MBD2: variants seen among roughly 807,000 people sequenced by gnomAD.
The protein encoded by MBD2 is methyl-CpG binding domain protein 2.
In MBD2, 9 loss-of-function variants were observed where a neutral mutation model predicts 39.3. The ratio of observed to expected loss-of-function variants is 0.23; its 90% CI spans 0.14 to 0.40. The LOEUF (loss-of-function observed/expected upper bound fraction) is 0.40. Ranked by LOEUF, MBD2 falls within the 10% of genes least tolerant of loss-of-function variation. The probability of loss-of-function intolerance (pLI) is 1.00; values close to 1 mark genes in which losing one functional copy is unlikely to be tolerated. For synonymous variants in MBD2, 233 were observed against 211.1 expected, an observed-to-expected ratio of 1.10 and a Z score of -0.90; for missense variants, 458 against 532.6, an observed-to-expected ratio of 0.86 and a Z score of 1.38.
intron 3 of MBD2, among the ~76,000 whole-genome samples, chr18:54,169,652 C>T (rs1401413528): frequency 6.6e-6 from 1 of 152,206 alleles, no homozygotes; most frequent in South Asian, 2.1e-4. Flanking sequence ...GTCTCTTGCA[C>T]TACACTTCAT....
At position 54,224,035 on chromosome 18, in the gene MBD2, G is replaced by T. The variant is rs772369419; in HGVS notation, c.525C>A (p.Ser175Arg). 6.3e-7 allele frequency: 1 copy of T among 1,591,784 alleles called. No homozygotes were observed. Residue 175 changes from serine to arginine, a missense_variant, in exon 1 of 7, where the codon AGC (serine) becomes AGA (arginine). Around this residue, in one of 2 missense-constraint regions of MBD2, gnomAD observed 189 missense variants for 296.6 expected, o/e 0.64. Transcript: ENST00000256429. The stretch of plus-strand genomic sequence containing the variant: ...GGAGGTACCTGAAGTAGTAGACATC[G>T]CTCTTGCCAGCACTTAGCCCAGATT... ...IRKSGLSAGK[S>R]DVYYFSPSGK...
chr18:54,185,906 C>T (rs1407727201), intron 3 of MBD2, among the ~76,000 whole-genome samples: 5 of 152,020 alleles, frequency 3.3e-5, no homozygotes, highest in African/African-American at 1.2e-4. Flanking sequence ...TAATGCTTTT[C>T]TTTTCATACC....
At chr18:54,182,195 T>G (rs1016746280) in intron 3 of MBD2, among the ~76,000 whole-genome samples, 1 of 152,266 alleles carries the variant, frequency 6.6e-6, no homozygotes, top group Non-Finnish European at 1.5e-5. Flanking sequence ...CTAATTCAAC[T>G]AATTTACATA....
At chr18:54,183,374 A>T (rs1483393672) in intron 3 of MBD2, among the ~76,000 whole-genome samples, 1 of 152,228 alleles carries the variant, frequency 6.6e-6, no homozygotes, top group Non-Finnish European at 1.5e-5. Context: ...ACATACAAAA[A>T]AGAATGCATA....
rs1321311520 is a variant in MBD2, at chr18:54,156,680, C to T, written c.*13-1369G>A. On this transcript the variant is annotated intron_variant, in intron 6 of 6. Transcript: ENST00000256429. ...CCAACCTGCCCAACATGGCGAAAAC[C>T]GTCTCTAGAAAAAATACAAAAAATT... Among the ~76,000 whole-genome samples, 7 of 152,088 alleles carry T rather than the reference C, an allele frequency of 4.6e-5. No homozygotes were observed. In the South Asian group the frequency reaches 1.0e-3, roughly 23 times the overall value.
In MBD2 at chr18:54,197,907, G is replaced by A. The variant is rs564597818; in HGVS notation, c.702+7091C>T. 2.7e-4 allele frequency among the ~76,000 whole-genome samples: 41 copies of A among 152,220 alleles called. No individual in the cohort carries two copies. In the South Asian group the frequency reaches 7.5e-3, roughly 28 times the overall value. On this transcript the variant is annotated intron_variant, in intron 2 of 6. Coordinates refer to ENST00000256429, the MANE Select transcript of MBD2 (RefSeq NM_003927.5). ...TAGAAATGCTAGACTTATCACCTAC[G>A]ACCTATTCGTTCCCCTTCCCTGTCC...
intron 1 of MBD2, among the ~76,000 whole-genome samples, chr18:54,208,860 C>T (rs2086475313): frequency 6.6e-6 from 1 of 152,226 alleles, no homozygotes; most frequent in Admixed American, 6.5e-5. Flanking sequence ...TTTTAGATCT[C>T]TCCCCCAAAT....
At chr18:54,178,129 A>G (rs1599084671) in intron 3 of MBD2, among the ~76,000 whole-genome samples, 1 of 152,162 alleles carries the variant, frequency 6.6e-6, no homozygotes, top group Admixed American at 6.5e-5. Context: ...GGCATAAGCC[A>G]CCATGCCCAG....
rs909005027 is a variant in MBD2 at position 54,153,385 on chromosome 18, T to A, written c.*1939A>T. On this transcript the variant is annotated 3_prime_UTR_variant, in exon 7 of 7. Coordinates refer to ENST00000256429, the MANE Select transcript of MBD2 (RefSeq NM_003927.5). ...GGGTATATTGGGAACACCCTGGACT[T>A]ATGGGATGGTCCCCAAGGGACACCA... 6.6e-6 allele frequency: 1 copy of A among 152,104 alleles called. No homozygotes were observed. The highest frequency in any genetic ancestry group is 2.4e-5 in the African/African-American group (1 of 41,378). The allele number at this position is 152,104 out of a possible 1,614,324, so 9.4% of individuals were successfully genotyped here. A position where few individuals can be genotyped will look rare whatever the true frequency, so the allele number is the denominator to read the frequency against.
chr18:54,204,443 C>A (rs1317881325), intron 2 of MBD2, among the ~76,000 whole-genome samples: 1 of 152,184 alleles, frequency 6.6e-6, no homozygotes, highest in Non-Finnish European at 1.5e-5. Context: ...CAAACTGTAT[C>A]ATAATTCAAA....
At chr18:54,203,115 A>G (rs2144328692) in intron 2 of MBD2, 1 of 1,612,494 alleles carries the variant, frequency 6.2e-7, no homozygotes, top group Non-Finnish European at 8.5e-7. Context: ...AGAGCAGAAA[A>G]GTGCACACAA....
intron 1 of MBD2, among the ~76,000 whole-genome samples, chr18:54,208,915 G>C (rs1311322567): frequency 6.6e-6 from 1 of 152,160 alleles, no homozygotes; most frequent in Non-Finnish European, 1.5e-5. Context: ...CACGAAATGT[G>C]ATCACTTATG....
rs953994306 is a variant in MBD2 at position 54,151,930 on chromosome 18, C to G, written c.*3394G>C. ...CTTTTCCAACTGCATGACTCTTGTT[C>G]ATTCACAGATTCATTCAACAAATAT... On this transcript the variant is annotated 3_prime_UTR_variant, in exon 7 of 7. Transcript: ENST00000256429. 1 of 151,428 alleles carries G rather than the reference C, an allele frequency of 6.6e-6. No homozygotes were observed. The highest frequency in any genetic ancestry group is 1.5e-5 in the Non-Finnish European group (1 of 67,946). The allele number at this position is 151,428 out of a possible 1,614,324, so 9.4% of individuals were successfully genotyped here.
intron 3 of MBD2, among the ~76,000 whole-genome samples, chr18:54,169,623 C>G (rs565989964): frequency 3.9e-5 from 6 of 152,258 alleles, no homozygotes; most frequent in African/African-American, 1.4e-4. Context: ...AAGGACTCCC[C>G]CTCTATGATG....
intron 3 of MBD2, among the ~76,000 whole-genome samples, chr18:54,169,537 C>T (rs2086164177): frequency 2.6e-5 from 4 of 152,194 alleles, no homozygotes; most frequent in African/African-American, 7.2e-5. Flanking sequence ...CACTCTATTA[C>T]TTTCTCAACC....
intron 6 of MBD2, 21 bp from the exon 7 acceptor site, chr18:54,155,332 A>G (rs2086044798): frequency 6.8e-6 from 1 of 147,798 alleles, no homozygotes; most frequent in African/African-American, 2.5e-5. Context: ...AAAAAAAAAA[A>G]GAACAAACTT....
chr18:54,181,086 G>A (rs114605392), intron 3 of MBD2, among the ~76,000 whole-genome samples: 2,711 of 151,872 alleles, frequency 0.018, 83 homozygotes, highest in African/African-American at 0.062. Flanking sequence ...GTAGAGATGC[G>A]TTTTCACCAT....
At chr18:54,161,399 G>T (rs978053330) in intron 5 of MBD2, among the ~76,000 whole-genome samples, 1 of 152,118 alleles carries the variant, frequency 6.6e-6, no homozygotes, top group Non-Finnish European at 1.5e-5. Context: ...ATGTCATGGG[G>T]CAGGGTCAAG....
intron 1 of MBD2, among the ~76,000 whole-genome samples, chr18:54,214,351 A>G (rs2086537425): frequency 6.6e-6 from 1 of 152,070 alleles, no homozygotes. Flanking sequence ...TCAGGCCAAC[A>G]TGCCCAGCTA....
Sources: allele counts gnomAD v4.1 joint callset (sites outside exome capture counted in the v4.1 genomes callset), GRCh38; gene constraint gnomAD v4.1.1; regional missense constraint gnomAD v4.1.1; transcripts MANE v1.5; gene names NCBI Gene and HGNC (gene_info 2026-07-23, HGNC 2026-07-21).